Variants in AKAP19 observed in about 807,000 individuals in gnomAD.
AKAP19 encodes the protein A-kinase anchoring protein 19, also known as small A-kinase anchoring protein.
chr2:189,889,167 G>C, the AKAP19 span, among the ~76,000 whole-genome samples: 1 of 152,058 alleles, frequency 6.6e-6, no homozygotes, highest in Non-Finnish European at 1.5e-5. Context: ...TTTGTCAAAG[G>C]CCTTTTCTGC....
the AKAP19 span, among the ~76,000 whole-genome samples, chr2:190,125,299 A>G: frequency 6.7e-6 from 1 of 148,832 alleles, no homozygotes; most frequent in East Asian, 1.9e-4. Flanking sequence ...CCTCATATAC[A>G]CAGTTCGTTG....
chr2:190,201,799 G>A, the AKAP19 span: 1 of 166,834 alleles, frequency 6.0e-6, no homozygotes, highest in Non-Finnish European at 1.5e-5. Context: ...ATTCATACAA[G>A]GATCTGAAGT....
chr2:189,923,588 G>T, the AKAP19 span: 17 of 1,613,956 alleles, frequency 1.1e-5, no homozygotes, highest in African/African-American at 1.3e-5. Context: ...TATTAACCTG[G>T]CTGCAGAGCC....
chr2:189,995,244 G>A, the AKAP19 span, among the ~76,000 whole-genome samples: 2 of 152,148 alleles, frequency 1.3e-5, no homozygotes, highest in Non-Finnish European at 2.9e-5. Context: ...CACTATTAAT[G>A]TGTTGCTATC....
At chr2:189,923,701 G>A in the AKAP19 span, 2 of 1,613,732 alleles carry the variant, frequency 1.2e-6, no homozygotes, top group East Asian at 2.2e-5. Context: ...ATTATGATAG[G>A]ATGTACAGTT....
At chr2:189,920,516 A>G in the AKAP19 span, among the ~76,000 whole-genome samples, 1 of 152,238 alleles carries the variant, frequency 6.6e-6, no homozygotes, top group East Asian at 1.9e-4. Flanking sequence ...ATGCCTAGCT[A>G]AAATGTAGTG....
the AKAP19 span, among the ~76,000 whole-genome samples, chr2:189,949,470 A>T: frequency 3.4e-5 from 5 of 148,922 alleles, no homozygotes; most frequent in African/African-American, 1.2e-4. Flanking sequence ...AGGCTACTGC[A>T]CTCCAGCCTG....
the AKAP19 span, among the ~76,000 whole-genome samples, chr2:189,974,462 TG>T: frequency 6.6e-6 from 1 of 152,212 alleles, no homozygotes; most frequent in Admixed American, 6.5e-5. Flanking sequence ...TCTGTTGATT[TG>T]GGGTGGAGAG....
At chr2:190,164,465 G>A in the AKAP19 span, among the ~76,000 whole-genome samples, 1 of 152,156 alleles carries the variant, frequency 6.6e-6, no homozygotes, top group Non-Finnish European at 1.5e-5. Context: ...GTGGGGTGGA[G>A]GTTGCAGTGA....
At chr2:190,070,624 C>G in the AKAP19 span, among the ~76,000 whole-genome samples, 2 of 137,014 alleles carry the variant, frequency 1.5e-5, no homozygotes, top group African/African-American at 5.3e-5. Flanking sequence ...TCCCCCCCCC[C>G]TTTTTTTTTG....
the AKAP19 span, among the ~76,000 whole-genome samples, chr2:189,947,069 C>G: frequency 1.3e-5 from 2 of 152,126 alleles, no homozygotes; most frequent in African/African-American, 4.8e-5. Flanking sequence ...AAATATCTGT[C>G]TTATGAAATT....
the AKAP19 span, among the ~76,000 whole-genome samples, chr2:189,994,407 C>G: frequency 6.6e-6 from 1 of 151,884 alleles, no homozygotes; most frequent in Non-Finnish European, 1.5e-5. Context: ...TGTTTATGCT[C>G]TTTCAGAATT....
chr2:190,019,283 G>T, the AKAP19 span, among the ~76,000 whole-genome samples: 5 of 152,214 alleles, frequency 3.3e-5, no homozygotes, highest in Non-Finnish European at 7.4e-5. Context: ...AAGAGCTTGG[G>T]GTGGTCTCTG....
chr2:190,181,063 G>T, the AKAP19 span: 1 of 985,598 alleles, frequency 1.0e-6, no homozygotes. Flanking sequence ...GGACCCCACG[G>T]CTGTCCGGAC....
the AKAP19 span, chr2:190,199,721 T>G: frequency 1.4e-6 from 2 of 1,478,582 alleles, no homozygotes; most frequent in South Asian, 1.4e-5. Context: ...TGAAGAGTGG[T>G]GAAAGGGAAC....
At chr2:190,017,728 C>T in the AKAP19 span, among the ~76,000 whole-genome samples, 16 of 152,152 alleles carry the variant, frequency 1.1e-4, no homozygotes, top group Non-Finnish European at 2.4e-4. Flanking sequence ...GAATATGACT[C>T]TGTATTACTT....
chr2:190,016,212 A>G, the AKAP19 span, among the ~76,000 whole-genome samples: 1 of 152,206 alleles, frequency 6.6e-6, no homozygotes, highest in Non-Finnish European at 1.5e-5. Flanking sequence ...ACACTGTTAT[A>G]AAGAAATACC....
chr2:190,038,940 CTTCT>C, the AKAP19 span, among the ~76,000 whole-genome samples: 54 of 143,556 alleles, frequency 3.8e-4, no homozygotes, highest in African/African-American at 1.4e-3. Flanking sequence ...TCTTCTTCTT[CTTCT>C]TCTTCTTCTT....
the AKAP19 span, among the ~76,000 whole-genome samples, chr2:190,013,019 G>A: frequency 6.6e-6 from 1 of 152,038 alleles, no homozygotes; most frequent in Admixed American, 6.6e-5. Flanking sequence ...CTGTTATTTT[G>A]TTGAGGATTT....
Sources: allele counts gnomAD v4.1 joint callset (sites outside exome capture counted in the v4.1 genomes callset), GRCh38; gene constraint gnomAD v4.1.1; transcripts MANE v1.5; gene names NCBI Gene and HGNC (gene_info 2026-07-23, HGNC 2026-07-21).